Variants in LMF1 observed in about 807,000 individuals in gnomAD.
The protein encoded by LMF1 is lipase maturation factor 1.
A neutral mutation model predicts 60.6 loss-of-function variants in LMF1; 68 were observed. That is an observed-to-expected ratio of 1.12 (90% confidence interval 0.92 to 1.37). The LOEUF (loss-of-function observed/expected upper bound fraction) is 1.37, where lower values mean the gene tolerates loss of function less well. LMF1 is among the 40% of genes most tolerant of loss of function. LMF1 has a pLI of 0.00. For missense variants in LMF1, 948 were observed against 767.2 expected (o/e 1.24, Z -2.78); for synonymous variants, 418 against 324.7 (o/e 1.29, Z -3.09).
intron 9 of LMF1, 159 bp from the exon 10 acceptor site, chr16:869,215 G>A (rs2069703218): frequency 5.9e-6 from 4 of 673,196 alleles, no homozygotes; most frequent in South Asian, 3.2e-5. Context: ...GTCCCCTTAA[G>A]GGGCTGCCTG....
upstream of LMF1, chr16:981,335 AGAGAGAGAGAGAGTGTGTGT>A (rs2073362151): frequency 7.0e-5 from 23 of 328,672 alleles, no homozygotes; most frequent in Admixed American, 1.5e-4. Flanking sequence ...AGAGAGAGAG[AGAGAGAGAGAGAGTGTGTGT>A]GTGTGTGTGT....
At chr16:919,697 T>C (rs1239127051) in intron 3 of LMF1, among the ~76,000 whole-genome samples, 1 of 144,030 alleles carries the variant, frequency 6.9e-6, no homozygotes, top group East Asian at 2.0e-4. Flanking sequence ...CTGGAGGTCT[T>C]GGGGAGAAAG....
chr16:869,671 G>A, intron 9 of LMF1: 1 of 656,126 alleles, frequency 1.5e-6, no homozygotes, highest in South Asian at 1.8e-5. Context: ...CAGACCCGGG[G>A]GGACGGTGGG....
intron 10 of LMF1, chr16:855,313 T>A (rs2151674163): frequency 3.8e-6 from 1 of 261,552 alleles, no homozygotes; most frequent in Non-Finnish European, 7.5e-6. Context: ...CATGCCCGAG[T>A]GGGATGAAGG....
intron 10 of LMF1, among the ~76,000 whole-genome samples, chr16:861,970 A>G (rs938448448): frequency 6.6e-6 from 1 of 152,120 alleles, no homozygotes; most frequent in African/African-American, 2.4e-5. Context: ...CTGTTTTTCC[A>G]AGTTTAAATC....
intron 5 of LMF1, 113 bp downstream of exon 5, chr16:892,894 T>G: frequency 1.3e-6 from 1 of 770,204 alleles, no homozygotes; most frequent in Non-Finnish European, 2.0e-6. Flanking sequence ...TCAATGGGGG[T>G]GACCCTGTGA....
chr16:964,108 G>A (rs1481164271), intron 1 of LMF1: 5 of 455,902 alleles, frequency 1.1e-5, no homozygotes, highest in Non-Finnish European at 2.2e-5. Flanking sequence ...CCAACAGCAG[G>A]CATGGCCGAT....
At chr16:967,523 A>G (rs538580554) in intron 1 of LMF1, among the ~76,000 whole-genome samples, 1 of 152,188 alleles carries the variant, frequency 6.6e-6, no homozygotes, top group Non-Finnish European at 1.5e-5. Flanking sequence ...GCCCCTACAC[A>G]CCAAGAACAT....
chr16:934,119 G>T (rs1189793606), intron 3 of LMF1, 125 bp downstream of exon 3: 1 of 1,567,628 alleles, frequency 6.4e-7, no homozygotes, highest in South Asian at 1.1e-5. Context: ...TGCCCTCCGT[G>T]CATACTGGGA....
At chr16:877,342 T>A (rs1447364472) in intron 6 of LMF1, among the ~76,000 whole-genome samples, 2 of 152,174 alleles carry the variant, frequency 1.3e-5, no homozygotes, top group Non-Finnish European at 1.5e-5. Context: ...GAATGGAAAC[T>A]CTGCGTGTCC....
chr16:891,693 T>C (rs1596922576), intron 5 of LMF1, among the ~76,000 whole-genome samples: 1 of 152,276 alleles, frequency 6.6e-6, no homozygotes, highest in South Asian at 2.1e-4. Flanking sequence ...CCCTGCCCAC[T>C]TTTCTGACCT....
chr16:906,561 T>G lies in LMF1; in HGVS notation c.663+4370A>C, dbSNP rs1271338865. Among the ~76,000 whole-genome samples, 6 of 152,260 alleles carry G rather than the reference T, an allele frequency of 3.9e-5. No individual in the cohort carries two copies. The South Asian group carries it at 1.0e-3, about 26-fold the overall frequency. Reference sequence around the variant, plus strand: ...ACTCGGGACCGGCTCTCCTTGCTCCTCAGCTTGCGGGCAACCTATCGTGGG... The same window carrying G: ...ACTCGGGACCGGCTCTCCTTGCTCCGCAGCTTGCGGGCAACCTATCGTGGG... On this transcript the variant is annotated intron_variant, in intron 4 of 10. Coordinates refer to ENST00000262301, the MANE Select transcript of LMF1 (RefSeq NM_022773.4).
At chr16:968,574 C>A (rs1157771660) in intron 1 of LMF1, 5 of 152,166 alleles carry the variant, frequency 3.3e-5, no homozygotes, top group African/African-American at 7.2e-5. Flanking sequence ...TGCCTGCTTG[C>A]CCTGGGCCAG....
upstream of LMF1, among the ~76,000 whole-genome samples, chr16:974,797 G>T (rs2073104723): frequency 2.0e-5 from 3 of 152,240 alleles, no homozygotes; most frequent in African/African-American, 7.2e-5. Flanking sequence ...CCTCCTCGGG[G>T]CCATTGTCCC....
intron 10 of LMF1, among the ~76,000 whole-genome samples, chr16:865,522 A>G (rs967339838): frequency 3.3e-5 from 5 of 151,792 alleles, no homozygotes; most frequent in Admixed American, 6.6e-5. Context: ...CTCATTTTTT[A>G]TTTTTGTAGA....
At chr16:978,376 C>T (rs959074297) in intron 1 of LMF1, among the ~76,000 whole-genome samples, 13 of 152,086 alleles carry the variant, frequency 8.5e-5, no homozygotes, top group Non-Finnish European at 1.3e-4. Flanking sequence ...TGAACACACG[C>T]GCCTCCGGGG....
chr16:938,724 T>TGGATGGATGGACAGACGAAG (rs1316000321), intron 2 of LMF1, among the ~76,000 whole-genome samples: 3 of 152,034 alleles, frequency 2.0e-5, no homozygotes, highest in Non-Finnish European at 4.4e-5. Context: ...CACGGACAGA[T>TGGATGGATGGACAGACGAAG]GGATGGATGG....
In LMF1 at chr16:854,086, G is replaced by T. The variant is rs2069120996; in HGVS notation, c.*446C>A. The T allele has an allele frequency of 2.2e-6, 1 of 457,038 alleles. No homozygotes were observed. The highest frequency in any genetic ancestry group is 2.0e-5 in the African/African-American group (1 of 50,144). 28.3% of individuals were successfully genotyped at this position (457,038 alleles called of 1,614,324 possible). On this transcript the variant is annotated 3_prime_UTR_variant, in exon 11 of 11. Coordinates refer to ENST00000262301, the MANE Select transcript of LMF1 (RefSeq NM_022773.4). ...ACGTGACAGGGACTTGGCTCTGAGG[G>T]TCAGGACCTGGCTGGGAACACACCA...
intron 6 of LMF1, 79 bp from the exon 7 acceptor site, chr16:871,420 C>G: frequency 1.2e-5 from 17 of 1,425,514 alleles, no homozygotes; most frequent in Admixed American, 4.1e-5. Context: ...CTTCCTGGAG[C>G]AGGGAGGGGG....
Sources: gnomAD v4.1 joint callset for allele counts (sites outside exome capture counted in the v4.1 genomes callset) on GRCh38, gnomAD v4.1.1 for gene constraint, MANE v1.5 for transcripts, NCBI Gene and HGNC (gene_info 2026-07-23, HGNC 2026-07-21) for gene names.